The following PDZRN4 variants were observed in gnomAD, a reference collection of about 807,000 sequenced individuals.
The protein encoded by PDZRN4 is PDZ domain containing ring finger 4, also known as PDZ domain-containing RING finger protein 4.
Under a neutral mutation model 99.0 loss-of-function variants are expected in PDZRN4, and 70 were observed. That is an observed-to-expected ratio of 0.71 (90% CI 0.58 to 0.86). PDZRN4 has a LOEUF of 0.86. Ranked by LOEUF, PDZRN4 falls within the 40% of genes least tolerant of loss-of-function variation. PDZRN4 has a pLI of 0.00. For synonymous variants in PDZRN4, 551 were observed against 501.6 expected, an observed-to-expected ratio of 1.10 and a Z score of -1.32; for missense variants, 1,474 against 1,331.2, an observed-to-expected ratio of 1.11 and a Z score of -1.67.
chr12:41,391,032 C>T lies in PDZRN4; in HGVS notation c.844-115424C>T, dbSNP rs3214027. On this transcript the variant is annotated intron_variant, in intron 3 of 9. Transcript: ENST00000402685. ...CTGGACATGCAATTTCAAATGTTCC[C>T]GGAGTATTACAACTTTCTTCCCCTC... 3.2e-3 allele frequency among the ~76,000 whole-genome samples: 494 copies of T among 152,212 alleles called. 17 individuals carry two copies. The East Asian group carries it at 0.088, about 27-fold the overall frequency.
chr12:41,275,846 A>C (rs929473841), intron 3 of PDZRN4, among the ~76,000 whole-genome samples: 2 of 152,208 alleles, frequency 1.3e-5, no homozygotes, highest in Admixed American at 1.3e-4. Flanking sequence ...ATGGAGACTC[A>C]TTGAATCTAA....
At chr12:41,544,859 C>CA (rs1348341289) in intron 5 of PDZRN4, among the ~76,000 whole-genome samples, 1 of 152,074 alleles carries the variant, frequency 6.6e-6, no homozygotes, top group African/African-American at 2.4e-5. Flanking sequence ...GAATTCAGAC[C>CA]AGGTCCCTTA....
At chr12:41,224,715 C>A (rs928046075) in intron 3 of PDZRN4, among the ~76,000 whole-genome samples, 1 of 152,108 alleles carries the variant, frequency 6.6e-6, no homozygotes, top group Non-Finnish European at 1.5e-5. Flanking sequence ...AGAGATGGGA[C>A]AAGAAGTCAA....
chr12:41,554,146 G>T (rs1939103448), intron 6 of PDZRN4, among the ~76,000 whole-genome samples: 1 of 152,088 alleles, frequency 6.6e-6, no homozygotes, highest in African/African-American at 2.4e-5. Context: ...CTCTGATTAG[G>T]GTGAGGAAGT....
chr12:41,401,942 C>G (rs1191862810), intron 3 of PDZRN4, among the ~76,000 whole-genome samples: 1 of 150,842 alleles, frequency 6.6e-6, no homozygotes, highest in African/African-American at 2.4e-5. Context: ...AAGACTCCAC[C>G]CTCATTTCTC....
rs1436786290 is a variant in PDZRN4, at chr12:41,188,580, T to C, written c.125T>C (p.Leu42Pro). Residue 42 changes from leucine to proline, a missense_variant, in exon 1 of 10, where the codon CTG becomes CCG. Coordinates refer to ENST00000402685, the MANE Select transcript of PDZRN4 (RefSeq NM_001164595.2). ...PCGHVFCASC[L>P]LPWAVRRRRC... ...GGGCACGTCTTCTGCGCCAGCTGCCTGTTGCCCTGGGCGGTGCGGAGGCGC... is the reference window on the plus strand; with the variant it reads ...GGGCACGTCTTCTGCGCCAGCTGCCCGTTGCCCTGGGCGGTGCGGAGGCGC... 4 of 1,545,142 alleles carry C rather than the reference T, an allele frequency of 2.6e-6. No individual in the cohort carries two copies. Among genetic ancestry groups the C allele is most frequent in the Non-Finnish European group, 3.5e-6 (4 of 1,152,402 alleles).
At chr12:41,519,119 C>A (rs561352850) in intron 5 of PDZRN4, among the ~76,000 whole-genome samples, 10 of 151,886 alleles carry the variant, frequency 6.6e-5, no homozygotes, top group African/African-American at 2.4e-4. Flanking sequence ...TGAAAAAAAA[C>A]AGATAAGTTT....
At chr12:41,382,451 C>T (rs896188035) in intron 3 of PDZRN4, among the ~76,000 whole-genome samples, 4 of 152,160 alleles carry the variant, frequency 2.6e-5, no homozygotes, top group African/African-American at 9.7e-5. Flanking sequence ...TAAGTTCTTT[C>T]ATTCATCCCC....
rs1031644773 is a variant in PDZRN4, at chr12:41,334,109, T to A, written c.843+139921T>A. On this transcript the variant is annotated intron_variant, in intron 3 of 9. Transcript: ENST00000402685. Reference sequence around the variant, plus strand: ...CACGCCTCTTGGGCAAAGGCCACCCTTCTCTCTGCAAGACTCCAGTAAACC... The same window carrying A: ...CACGCCTCTTGGGCAAAGGCCACCCATCTCTCTGCAAGACTCCAGTAAACC... Among the ~76,000 whole-genome samples the A allele has an allele frequency of 2.0e-5, 3 of 152,122 alleles. No homozygotes were observed. The South Asian group carries it at 6.2e-4, about 31-fold the overall frequency.
At chr12:41,345,409 A>G (rs1484324065) in intron 3 of PDZRN4, among the ~76,000 whole-genome samples, 1 of 152,176 alleles carries the variant, frequency 6.6e-6, no homozygotes, top group Non-Finnish European at 1.5e-5. Flanking sequence ...TAATACTGCT[A>G]AAACCTTCAG....
At chr12:41,465,997 G>A (rs1952921308) in intron 3 of PDZRN4, among the ~76,000 whole-genome samples, 1 of 151,996 alleles carries the variant, frequency 6.6e-6, no homozygotes, top group Non-Finnish European at 1.5e-5. Flanking sequence ...TAATTATTAA[G>A]TATCTGATAA....
intron 3 of PDZRN4, among the ~76,000 whole-genome samples, chr12:41,276,143 G>A (rs950959597): frequency 1.3e-5 from 2 of 152,126 alleles, no homozygotes; most frequent in Non-Finnish European, 2.9e-5. Flanking sequence ...GGTCCTTGGA[G>A]GGCAAGAAAG....
intron 3 of PDZRN4, among the ~76,000 whole-genome samples, chr12:41,239,586 A>T (rs1203835964): frequency 6.6e-6 from 1 of 152,218 alleles, no homozygotes; most frequent in Non-Finnish European, 1.5e-5. Flanking sequence ...CAATTCATTT[A>T]CCAAATATTA....
At position 41,291,697 on chromosome 12, in the gene PDZRN4, G is replaced by A. The variant is rs140915447; in HGVS notation, c.843+97509G>A. Among the ~76,000 whole-genome samples the A allele has an allele frequency of 9.5e-4, 145 of 152,182 alleles. 3 individuals carry two copies. In the East Asian group the frequency reaches 0.026, roughly 27 times the overall value. On this transcript the variant is annotated intron_variant, in intron 3 of 9. Transcript: ENST00000402685. ...GAGTCTTGGTTTGTTCTCCTCATAT[G>A]CTCAAGTTTTATGAACAGGGGTTGT...
At chr12:41,257,430 T>A (rs1459671350) in intron 3 of PDZRN4, among the ~76,000 whole-genome samples, 1 of 152,098 alleles carries the variant, frequency 6.6e-6, no homozygotes, top group Non-Finnish European at 1.5e-5. Flanking sequence ...TGCCTTCTAA[T>A]ACCATCGACT....
chr12:41,212,095 A>G (rs1950892114), intron 3 of PDZRN4, among the ~76,000 whole-genome samples: 1 of 151,908 alleles, frequency 6.6e-6, no homozygotes, highest in African/African-American at 2.4e-5. Context: ...GCTGAATCTC[A>G]TGTTAACTCA....
chr12:41,559,184 T>TACAC lies in PDZRN4; in HGVS notation c.1365+3443_1365+3446dup, dbSNP rs10557714. Among the ~76,000 whole-genome samples the TACAC allele has an allele frequency of 6.7e-3, 1,000 of 150,122 alleles. 9 individuals carry two copies. Among genetic ancestry groups the TACAC allele is most frequent in the African/African-American group, 0.023 (961 of 40,932 alleles). ...GACATCTCACTCACACACACATACA[T>TACAC]ACACACACACACACACACACACGTG... On this transcript the variant is annotated intron_variant, in intron 7 of 9. Transcript: ENST00000402685.
rs557678401 is a variant in PDZRN4, at chr12:41,342,346, G to A, written c.843+148158G>A. Among the ~76,000 whole-genome samples, 24 of 151,866 alleles carry A rather than the reference G, an allele frequency of 1.6e-4. 1 individual carries two copies. The highest frequency in any genetic ancestry group is 9.2e-4 in the Admixed American group (14 of 15,210). ...GCGGGCAACAAAAGCAAAAATAGGC[G>A]TATGGGATTACAACAAACTAAAATG... is the stretch of plus-strand genomic sequence containing the variant. On this transcript the variant is annotated intron_variant, in intron 3 of 9. Transcript: ENST00000402685.
chr12:41,378,170 A>G lies in PDZRN4; in HGVS notation c.844-128286A>G, dbSNP rs189157459. On this transcript the variant is annotated intron_variant, in intron 3 of 9. Coordinates refer to ENST00000402685, the MANE Select transcript of PDZRN4 (RefSeq NM_001164595.2). ...ATTCATTCTATACCCAATTTGTTGA[A>G]GGTTTTTATCAAGAAAGAATGTGGA... Among the ~76,000 whole-genome samples the G allele has an allele frequency of 1.7e-3, 264 of 152,252 alleles. 3 individuals are homozygous for G. The highest frequency in any genetic ancestry group is 5.7e-3 in the African/African-American group (238 of 41,550).
Sources: gnomAD v4.1 joint callset for allele counts (sites outside exome capture counted in the v4.1 genomes callset) on GRCh38, gnomAD v4.1.1 for gene constraint, MANE v1.5 for transcripts, NCBI Gene and HGNC (gene_info 2026-07-23, HGNC 2026-07-21) for gene names.